C16orf74: variants seen among roughly 807,000 people sequenced by gnomAD.
C16orf74 encodes uncharacterized protein C16orf74.
Under a neutral mutation model 6.5 loss-of-function variants are expected in C16orf74, and 10 were observed. The ratio of observed to expected loss-of-function variants is 1.54; its 90% CI spans 0.95 to 2.61. The LOEUF (loss-of-function observed/expected upper bound fraction) is 2.61, where lower values mean the gene tolerates loss of function less well. C16orf74 is among the 30% of genes most tolerant of loss of function. C16orf74 has a pLI of 0.00. For synonymous variants in C16orf74, 60 were observed against 42.5 expected, an observed-to-expected ratio of 1.41 and a Z score of -1.60; for missense variants, 141 against 105.9, an observed-to-expected ratio of 1.33 and a Z score of -1.45.
chr16:85,712,770 T>TA (rs1368989636), intron 2 of C16orf74, among the ~76,000 whole-genome samples: 1 of 152,218 alleles, frequency 6.6e-6, no homozygotes, highest in Non-Finnish European at 1.5e-5. Flanking sequence ...TAATCTTGCC[T>TA]AAAAAGAGGT....
At chr16:85,721,681 A>T (rs381170) in intron 2 of C16orf74, among the ~76,000 whole-genome samples, 57,058 of 152,088 alleles carry the variant, frequency 0.38, 11,229 homozygotes, top group African/African-American at 0.49. Context: ...CGGTCTTCAA[A>T]GACAGGGGTA....
chr16:85,744,621 G>A (rs388731), intron 1 of C16orf74, among the ~76,000 whole-genome samples: 102,271 of 151,718 alleles, frequency 0.67, 35,116 homozygotes, highest in Middle Eastern at 0.79. Flanking sequence ...ACGAGGTCAG[G>A]AGATCGAGAC....
At chr16:85,747,039 C>G (rs1200678658) in intron 1 of C16orf74, among the ~76,000 whole-genome samples, 2 of 152,064 alleles carry the variant, frequency 1.3e-5, no homozygotes, top group African/African-American at 4.8e-5. Flanking sequence ...CAGCAGGAAG[C>G]GAAACAGGAT....
At chr16:85,735,507 G>A (rs879615631) in intron 1 of C16orf74, among the ~76,000 whole-genome samples, 3 of 152,138 alleles carry the variant, frequency 2.0e-5, no homozygotes, top group South Asian at 2.1e-4. Flanking sequence ...GGCTCTGTGA[G>A]GTCACTTGAA....
At chr16:85,716,095 C>G (rs2054020816) in intron 2 of C16orf74, among the ~76,000 whole-genome samples, 2 of 152,162 alleles carry the variant, frequency 1.3e-5, no homozygotes, top group South Asian at 4.1e-4. Flanking sequence ...CAAACCCCTT[C>G]CTCGGTGAAT....
At chr16:85,750,552 C>T (rs1436272228) in intron 1 of C16orf74, among the ~76,000 whole-genome samples, 1 of 152,232 alleles carries the variant, frequency 6.6e-6, no homozygotes, top group African/African-American at 2.4e-5. Flanking sequence ...CTGCCCCCGC[C>T]CCCCGCCGGG....
chr16:85,749,967 G>T (rs2054418414), intron 1 of C16orf74, among the ~76,000 whole-genome samples: 1 of 152,158 alleles, frequency 6.6e-6, no homozygotes, highest in Non-Finnish European at 1.5e-5. Flanking sequence ...ACCCAAGGAG[G>T]GCGTGGCCTG....
chr16:85,715,925 C>G (rs972258235), intron 2 of C16orf74, among the ~76,000 whole-genome samples: 1 of 152,208 alleles, frequency 6.6e-6, no homozygotes, highest in Non-Finnish European at 1.5e-5. Context: ...GAAAGCACTT[C>G]GCCCAGCCAG....
chr16:85,742,148 G>A lies in C16orf74; in HGVS notation c.-18-6913C>T, dbSNP rs372933154. Among the ~76,000 whole-genome samples the A allele has an allele frequency of 3.7e-4, 56 of 152,252 alleles. No homozygotes were observed. In the South Asian group the frequency reaches 0.011, roughly 29 times the overall value. ...AGCACTGTGGGAGGCTGAGGTGGCT[G>A]GATCACTTGAGGTCAGGAGTTTGAG... On this transcript the variant is annotated intron_variant, in intron 1 of 3. Transcript: ENST00000284245.
intron 2 of C16orf74, among the ~76,000 whole-genome samples, chr16:85,730,714 C>G (rs1389901641): frequency 6.7e-6 from 1 of 149,960 alleles, no homozygotes; most frequent in African/African-American, 2.5e-5. Context: ...ACCAGCCAAC[C>G]AAGCCCCCAA....
At chr16:85,748,120 G>A (rs1190207678) in intron 1 of C16orf74, among the ~76,000 whole-genome samples, 6 of 46,954 alleles carry the variant, frequency 1.3e-4, no homozygotes, top group African/African-American at 3.4e-4. Flanking sequence ...ATATATATAT[G>A]TGTGTGTGTA....
chr16:85,727,648 TAA>T lies in C16orf74; in HGVS notation c.28+7540_28+7541del, dbSNP rs527297190. ...AACATGGTAAAACTTCCATCTCTAC[TAA>T]AAATGCAAAAAAAATAAGCCGGGTG... On this transcript the variant is annotated intron_variant, in intron 2 of 3. Transcript: ENST00000284245. 7.9e-3 allele frequency among the ~76,000 whole-genome samples: 1,003 copies of T among 126,966 alleles called. 10 individuals are homozygous for T. The highest frequency in any genetic ancestry group is 0.031 in the African/African-American group (957 of 31,026). The allele number at this position is 126,966 out of a possible 152,430, so 83.3% of individuals were successfully genotyped here.
intron 3 of C16orf74, among the ~76,000 whole-genome samples, chr16:85,708,326 C>T: frequency 6.6e-6 from 1 of 152,164 alleles, no homozygotes; most frequent in East Asian, 1.9e-4. Flanking sequence ...CCCTGTGTCT[C>T]CCCTATGCCC....
intron 2 of C16orf74, among the ~76,000 whole-genome samples, chr16:85,719,557 G>C (rs1429941004): frequency 6.6e-6 from 1 of 152,124 alleles, no homozygotes; most frequent in Admixed American, 6.5e-5. Context: ...CAGCCTGTTT[G>C]CGCACAGCCT....
In C16orf74 at chr16:85,735,210, A is replaced by T; in HGVS notation, c.8T>A (p.Leu3His). 6.2e-7 allele frequency: 1 copy of T among 1,600,286 alleles called. No homozygotes were observed. The highest frequency in any genetic ancestry group is 8.5e-7 in the Non-Finnish European group (1 of 1,173,182). The change falls in exon 2 of 4, where the codon CTT (leucine) becomes CAT (histidine). Residue 3 changes from leucine (L) to histidine (H), a missense_variant. Transcript: ENST00000284245. ...CTTACCTTTCAGGCAGGACATCTTA[A>T]GCCCCATGTCGGCACCTCTGCAGGC... MG[L>H]KMSCLKGFQM...
intron 2 of C16orf74, among the ~76,000 whole-genome samples, chr16:85,726,202 GGT>G: frequency 6.6e-6 from 1 of 152,042 alleles, no homozygotes; most frequent in South Asian, 2.1e-4. Context: ...CAGCCTGCTG[GGT>G]GTGTGTTTGT....
chr16:85,735,293 C>A (rs1369959500), intron 1 of C16orf74, 58 bp from the exon 2 acceptor site: 2 of 1,334,876 alleles, frequency 1.5e-6, no homozygotes, highest in African/African-American at 1.5e-5. Context: ...GTATTGGCCA[C>A]GTGCAGCCGG....
chr16:85,745,804 C>G (rs1044690166), intron 1 of C16orf74, among the ~76,000 whole-genome samples: 1 of 151,514 alleles, frequency 6.6e-6, no homozygotes. Flanking sequence ...TCCAAAGACA[C>G]AGAATCTCCC....
chr16:85,735,786 C>A (rs1370858459), intron 1 of C16orf74, among the ~76,000 whole-genome samples: 1 of 152,082 alleles, frequency 6.6e-6, no homozygotes, highest in Non-Finnish European at 1.5e-5. Context: ...TTGTCCCAAC[C>A]AGTGTTCTCA....
Sources: gnomAD v4.1 joint callset for allele counts (sites outside exome capture counted in the v4.1 genomes callset) on GRCh38, gnomAD v4.1.1 for gene constraint, MANE v1.5 for transcripts, NCBI Gene and HGNC (gene_info 2026-07-23, HGNC 2026-07-21) for gene names.